ASH1L: variants seen among roughly 807,000 people sequenced by gnomAD.
ASH1L encodes the protein histone-lysine N-methyltransferase ASH1L.
In ASH1L, 23 loss-of-function variants were observed where a neutral mutation model predicts 269.0. That is an observed-to-expected ratio of 0.09 (90% confidence interval 0.06 to 0.12). The LOEUF (loss-of-function observed/expected upper bound fraction) is 0.12, where lower values mean the gene tolerates loss of function less well. ASH1L is among the 10% of genes least tolerant of loss of function. The pLI is 1.00. For synonymous variants in ASH1L, 1,187 were observed against 1,253.5 expected, an observed-to-expected ratio of 0.95 and a Z score of 1.12; for missense variants, 2,912 against 3,567.8, an observed-to-expected ratio of 0.82 and a Z score of 4.68.
At chr1:155,375,902 C>T (rs1385561358) in intron 10 of ASH1L, among the ~76,000 whole-genome samples, 2 of 152,014 alleles carry the variant, frequency 1.3e-5, no homozygotes, top group Non-Finnish European at 1.5e-5. Flanking sequence ...GGACCGGCCT[C>T]GGCTAAGTAT....
chr1:155,354,796 C>T (rs138030597), intron 15 of ASH1L, among the ~76,000 whole-genome samples, 166 bp from the exon 16 acceptor site: 1 of 152,268 alleles, frequency 6.6e-6, no homozygotes, highest in Non-Finnish European at 1.5e-5. Flanking sequence ...AATTTTTTTA[C>T]ATTACATAAA....
At chr1:155,383,215 T>C (rs1472961798) in intron 7 of ASH1L, among the ~76,000 whole-genome samples, 2 of 152,194 alleles carry the variant, frequency 1.3e-5, no homozygotes, top group East Asian at 1.9e-4. Context: ...AAAGCTAAGA[T>C]TAACTTAACT....
intron 13 of ASH1L, among the ~76,000 whole-genome samples, chr1:155,359,726 C>A (rs1216171944): frequency 6.6e-6 from 1 of 152,106 alleles, no homozygotes; most frequent in Non-Finnish European, 1.5e-5. Flanking sequence ...CAGGCACATG[C>A]GACCACACTT....
chr1:155,431,900 C>CCACCA (rs1661639247), intron 5 of ASH1L, among the ~76,000 whole-genome samples: 1 of 152,106 alleles, frequency 6.6e-6, no homozygotes, highest in Admixed American at 6.6e-5. Flanking sequence ...CAGGTGTGAG[C>CCACCA]CACCACACCT....
intron 3 of ASH1L, among the ~76,000 whole-genome samples, chr1:155,468,224 T>C (rs1664833528): frequency 3.1e-5 from 1 of 32,136 alleles, no homozygotes; most frequent in Admixed American, 5.6e-4. Context: ...CCTTTATTAT[T>C]ATTATTATTT....
chr1:155,487,443 T>C (rs1349524482), intron 2 of ASH1L, among the ~76,000 whole-genome samples: 1 of 152,026 alleles, frequency 6.6e-6, no homozygotes, highest in Non-Finnish European at 1.5e-5. Flanking sequence ...AGTGACCTGA[T>C]TCTAACTTTG....
At chr1:155,381,860 T>C (rs1220709021) in intron 7 of ASH1L, among the ~76,000 whole-genome samples, 2 of 151,486 alleles carry the variant, frequency 1.3e-5, no homozygotes, top group East Asian at 3.9e-4. Flanking sequence ...CACTCCAGCC[T>C]AGGCAACAGA....
At chr1:155,363,181 C>G (rs1367678519) in intron 12 of ASH1L, among the ~76,000 whole-genome samples, 1 of 152,076 alleles carries the variant, frequency 6.6e-6, no homozygotes, top group African/African-American at 2.4e-5. Context: ...CGGGATTTCT[C>G]CACGTTGGTC....
intron 10 of ASH1L, among the ~76,000 whole-genome samples, chr1:155,371,285 T>G (rs1655919052): frequency 1.3e-5 from 2 of 152,184 alleles, no homozygotes; most frequent in South Asian, 4.1e-4. Context: ...AGGTGGCTCA[T>G]GCCTGTAATC....
intron 1 of ASH1L, among the ~76,000 whole-genome samples, chr1:155,527,013 C>A (rs1399594149): frequency 3.3e-5 from 5 of 152,204 alleles, no homozygotes; most frequent in Non-Finnish European, 7.3e-5. Context: ...TCAAGACCAG[C>A]TTGGCCAACG....
At chr1:155,340,474 C>G (rs896772568) in intron 25 of ASH1L, among the ~76,000 whole-genome samples, 3 of 152,102 alleles carry the variant, frequency 2.0e-5, no homozygotes, top group Admixed American at 6.6e-5. Flanking sequence ...AGCCACCGCG[C>G]CTGGCCCTGG....
chr1:155,492,263 G>A (rs184356378), intron 2 of ASH1L, among the ~76,000 whole-genome samples: 61 of 151,716 alleles, frequency 4.0e-4, no homozygotes, highest in Admixed American at 6.6e-4. Context: ...GGTCAGGCTG[G>A]TCTCGAACTC....
intron 3 of ASH1L, among the ~76,000 whole-genome samples, chr1:155,463,861 C>G (rs1349035528): frequency 9.2e-5 from 14 of 152,000 alleles, no homozygotes; most frequent in Non-Finnish European, 2.9e-5. Context: ...TAGAACTAAC[C>G]TATTAACATC....
At position 155,480,804 on chromosome 1, in the gene ASH1L, G is replaced by A. The variant is rs961117564; in HGVS notation, c.2066C>T (p.Ala689Val). ...AGCAACTTGGCAGTGTTTGTCTGAT[G>A]CAGATACTGCACCCAGTTTTAAAAA... ...KPFLKLGAVS[A>V]SDKHCQVAES... is the part of the protein sequence containing the mutation. Residue 689 changes from alanine to valine, a missense_variant, in exon 3 of 28, where the codon GCA becomes GTA. Physicochemically the swap from Ala to Val is moderately conservative, Grantham distance 64 (BLOSUM62 0). Transcript: ENST00000392403. 5.3e-5 allele frequency: 85 copies of A among 1,613,794 alleles called. No homozygotes were observed. Among genetic ancestry groups the A allele is most frequent in the Non-Finnish European group, 6.9e-5 (81 of 1,179,966 alleles).
intron 1 of ASH1L, among the ~76,000 whole-genome samples, chr1:155,545,573 A>T (rs1217201359): frequency 6.6e-6 from 1 of 151,840 alleles, no homozygotes; most frequent in African/African-American, 2.4e-5. Flanking sequence ...ATTATGAATG[A>T]TTACACACCA....
At chr1:155,383,932 T>C (rs1212974406) in intron 7 of ASH1L, among the ~76,000 whole-genome samples, 1 of 152,186 alleles carries the variant, frequency 6.6e-6, no homozygotes, top group Non-Finnish European at 1.5e-5. Context: ...AATTGTGTTA[T>C]GTATATTTTA....
intron 6 of ASH1L, among the ~76,000 whole-genome samples, chr1:155,400,605 A>G (rs566050740): frequency 6.6e-6 from 1 of 152,302 alleles, no homozygotes; most frequent in African/African-American, 2.4e-5. Context: ...CTAGGATCTG[A>G]TAAATTCTAT....
At chr1:155,447,989 T>C (rs1051240791) in intron 4 of ASH1L, among the ~76,000 whole-genome samples, 3 of 152,256 alleles carry the variant, frequency 2.0e-5, no homozygotes, top group South Asian at 2.1e-4. Flanking sequence ...TTTCATACTT[T>C]TGAGATCTTA....
intron 4 of ASH1L, among the ~76,000 whole-genome samples, chr1:155,441,150 C>T (rs1662523512): frequency 6.6e-6 from 1 of 152,206 alleles, no homozygotes; most frequent in Admixed American, 6.5e-5. Flanking sequence ...AAAATACGTA[C>T]ATTAATCTCT....
Sources: gnomAD v4.1 joint callset for allele counts (sites outside exome capture counted in the v4.1 genomes callset) on GRCh38, gnomAD v4.1.1 for gene constraint, MANE v1.5 for transcripts, NCBI Gene and HGNC (gene_info 2026-07-23, HGNC 2026-07-21) for gene names.